DNAH7: variants seen among roughly 807,000 people sequenced by gnomAD.
The protein encoded by DNAH7 is axonemal beta dynein heavy chain 7.
Under a neutral mutation model 444.6 loss-of-function variants are expected in DNAH7, and 397 were observed. That is an observed-to-expected ratio of 0.89 (90% confidence interval 0.82 to 0.97). DNAH7 has a LOEUF of 0.97. Among genes scored for constraint, DNAH7 ranks in the 50% least tolerant of loss-of-function variants. DNAH7 has a pLI of 0.00. For missense variants in DNAH7, 4,902 were observed against 4,800.8 expected, an observed-to-expected ratio of 1.02 and a Z score of -0.62; for synonymous variants, 1,636 against 1,624.4, an observed-to-expected ratio of 1.01 and a Z score of -0.17.
chr2:195,843,109 TGA>T (rs928783164), intron 47 of DNAH7, among the ~76,000 whole-genome samples: 1 of 152,174 alleles, frequency 6.6e-6, no homozygotes, highest in Non-Finnish European at 1.5e-5. Context: ...TAGACAAAAG[TGA>T]AAGTAAAAGT....
chr2:195,940,675 T>TTAC (rs1553570888), intron 19 of DNAH7, among the ~76,000 whole-genome samples: 7 of 144,902 alleles, frequency 4.8e-5, no homozygotes, highest in East Asian at 2.0e-4. Context: ...TTAAGCCAAT[T>TTAC]AAAAAAAAAA....
chr2:195,740,284 C>T (rs1692920043), intron 64 of DNAH7, among the ~76,000 whole-genome samples: 2 of 152,102 alleles, frequency 1.3e-5, no homozygotes, highest in South Asian at 4.1e-4. Flanking sequence ...TGCGCCCAGC[C>T]AGTGCTAAGT....
chr2:195,922,817 C>G (rs1688103561), intron 23 of DNAH7, among the ~76,000 whole-genome samples: 1 of 152,138 alleles, frequency 6.6e-6, no homozygotes. Context: ...CCTGGATGCC[C>G]TGGTAAAAAC....
chr2:196,065,439 C>A (rs868331773), intron 1 of DNAH7, among the ~76,000 whole-genome samples: 11 of 152,140 alleles, frequency 7.2e-5, no homozygotes, highest in African/African-American at 2.7e-4. Flanking sequence ...AAGATTGCAT[C>A]CATTTATAAT....
chr2:195,744,567 C>G (rs1246701602), intron 63 of DNAH7, among the ~76,000 whole-genome samples: 9 of 152,226 alleles, frequency 5.9e-5, no homozygotes, highest in African/African-American at 2.2e-4. Flanking sequence ...GGGTCCCTGA[C>G]CCCTCACCCC....
intron 44 of DNAH7, 86 bp from the exon 45 acceptor site, chr2:195,856,077 TACTATA>T: frequency 8.1e-7 from 1 of 1,237,304 alleles, no homozygotes; most frequent in Non-Finnish European, 1.1e-6. Context: ...CTAATACCCT[TACTATA>T]ACTGAAAACA....
chr2:195,828,838 G>T (rs1697921997), intron 48 of DNAH7, among the ~76,000 whole-genome samples: 1 of 151,752 alleles, frequency 6.6e-6, no homozygotes, highest in Admixed American at 6.6e-5. Flanking sequence ...TGGTTATAAG[G>T]TTTAATTTAT....
In DNAH7 at chr2:195,906,632, T is replaced by C. The variant is rs762057981; in HGVS notation, c.4335+27A>G. 28 of 1,598,952 alleles carry C rather than the reference T, an allele frequency of 1.8e-5. No homozygotes were observed. The Admixed American group carries it at 1.9e-4, about 11-fold the overall frequency. On this transcript the variant is annotated intron_variant, in intron 27 of 64. Coordinates refer to ENST00000312428, the MANE Select transcript of DNAH7 (RefSeq NM_018897.3). ...AACTTTGTAAATTATAGAGAAGAAA[T>C]AGATTATATAATAACTCCTTCCATA...
chr2:195,863,200 A>G (rs1014718894), intron 41 of DNAH7, among the ~76,000 whole-genome samples: 9 of 152,252 alleles, frequency 5.9e-5, no homozygotes, highest in Non-Finnish European at 1.3e-4. Context: ...CTTGCTACAA[A>G]GCAAAACAGA....
chr2:195,802,202 TTC>T (rs1157201423), intron 54 of DNAH7, among the ~76,000 whole-genome samples: 2 of 152,206 alleles, frequency 1.3e-5, no homozygotes, highest in Non-Finnish European at 2.9e-5. Context: ...TTGTTTTTTG[TTC>T]TTATTTAAAA....
At chr2:195,785,501 C>T (rs1195479421) in intron 58 of DNAH7, among the ~76,000 whole-genome samples, 5 of 150,822 alleles carry the variant, frequency 3.3e-5, no homozygotes, top group Admixed American at 6.6e-5. Flanking sequence ...AGTTTCTCTC[C>T]ATTTAAGTAC....
intron 31 of DNAH7, among the ~76,000 whole-genome samples, chr2:195,890,214 T>G (rs1701935685): frequency 6.6e-6 from 1 of 152,170 alleles, no homozygotes; most frequent in Non-Finnish European, 1.5e-5. Flanking sequence ...CAGAGGCCAC[T>G]TCTAGCTGTG....
chr2:195,949,402 G>A (rs545649791), intron 19 of DNAH7, among the ~76,000 whole-genome samples: 3 of 152,074 alleles, frequency 2.0e-5, no homozygotes, highest in South Asian at 2.1e-4. Flanking sequence ...TCCTGTCTTC[G>A]CTTCCTGAGT....
chr2:195,767,020 CTATTA>C (rs1694619537), intron 61 of DNAH7, among the ~76,000 whole-genome samples: 1 of 151,766 alleles, frequency 6.6e-6, no homozygotes, highest in South Asian at 2.1e-4. Flanking sequence ...TTTGTTGAGT[CTATTA>C]TGTTTGTTTT....
intron 62 of DNAH7, 25 bp from the exon 63 acceptor site, chr2:195,754,539 T>A: frequency 6.2e-7 from 1 of 1,607,644 alleles, no homozygotes; most frequent in Non-Finnish European, 8.5e-7. Flanking sequence ...ACAAGTGGGC[T>A]AACAGTAGCA....
intron 1 of DNAH7, among the ~76,000 whole-genome samples, chr2:196,062,933 A>G (rs942705251): frequency 6.6e-6 from 1 of 152,182 alleles, no homozygotes; most frequent in Admixed American, 6.5e-5. Context: ...CCCAGGGTGT[A>G]GTGCAGTGGC....
At position 195,799,287 on chromosome 2, in the gene DNAH7, G is replaced by T; in HGVS notation, c.10353+9C>A. The T allele has an allele frequency of 6.5e-7, 1 of 1,536,992 alleles. No individual in the cohort carries two copies. Among genetic ancestry groups the T allele is most frequent in the Non-Finnish European group, 8.8e-7 (1 of 1,142,646 alleles). On this transcript the variant is annotated intron_variant, in intron 55 of 64. Transcript: ENST00000312428. ...ATAATATCCGATAACTTCATCTATT[G>T]TAAGGTACCTGGTCATCAGCAAATT...
chr2:195,837,606 A>G (rs1262962459), intron 47 of DNAH7, among the ~76,000 whole-genome samples: 1 of 152,092 alleles, frequency 6.6e-6, no homozygotes, highest in Non-Finnish European at 1.5e-5. Flanking sequence ...AAAAATGACC[A>G]TATGTGAGCC....
chr2:196,018,544 C>T (rs13425340), intron 9 of DNAH7, among the ~76,000 whole-genome samples: 2,206 of 151,956 alleles, frequency 0.015, 60 homozygotes, highest in African/African-American at 0.05. Flanking sequence ...CAAAGTAATT[C>T]CAGATAACAC....
Sources: gnomAD v4.1 joint callset for allele counts (sites outside exome capture counted in the v4.1 genomes callset) on GRCh38, gnomAD v4.1.1 for gene constraint, MANE v1.5 for transcripts, NCBI Gene and HGNC (gene_info 2026-07-23, HGNC 2026-07-21) for gene names.